COG5: variants seen among roughly 807,000 people sequenced by gnomAD.
COG5 encodes component of oligomeric golgi complex 5.
In COG5, 86 loss-of-function variants were observed where a neutral mutation model predicts 110.4. That is an observed-to-expected ratio of 0.78 (90% confidence interval 0.65 to 0.93). The LOEUF (loss-of-function observed/expected upper bound fraction) is 0.93, where lower values mean the gene tolerates loss of function less well. Ranked by LOEUF, COG5 falls within the 40% of genes least tolerant of loss-of-function variation. The pLI is 0.00. For missense variants in COG5, 1,077 were observed against 987.0 expected (o/e 1.09, Z -1.22); for synonymous variants, 360 against 334.6 (o/e 1.08, Z -0.83).
At chr7:107,320,043 T>G (rs777534680) in intron 11 of COG5, among the ~76,000 whole-genome samples, 1 of 152,102 alleles carries the variant, frequency 6.6e-6, no homozygotes, top group African/African-American at 2.4e-5. Flanking sequence ...CACTCTGATG[T>G]TGTAGAGTGT....
chr7:107,287,637 A>G (rs2116842570), intron 12 of COG5, among the ~76,000 whole-genome samples: 1 of 152,116 alleles, frequency 6.6e-6, no homozygotes, highest in East Asian at 1.9e-4. Flanking sequence ...ACAACACTCC[A>G]CCTTCCTCAC....
chr7:107,263,306 G>A (rs1157903677), intron 14 of COG5, among the ~76,000 whole-genome samples: 1 of 152,170 alleles, frequency 6.6e-6, no homozygotes, highest in East Asian at 1.9e-4. Context: ...AGTAGAAGAT[G>A]CTTATTACAT....
At chr7:107,562,471 T>C (rs549134494) in intron 1 of COG5, among the ~76,000 whole-genome samples, 92 of 152,338 alleles carry the variant, frequency 6.0e-4, no homozygotes, top group African/African-American at 2.2e-3. Flanking sequence ...CTACTTTATA[T>C]GCAATCCTAC....
intron 6 of COG5, 106 bp from the exon 7 acceptor site, chr7:107,412,738 T>A: frequency 1.4e-6 from 1 of 719,622 alleles, no homozygotes; most frequent in Non-Finnish European, 2.3e-6. Flanking sequence ...AAAACGCTAT[T>A]AAACAGGGTT....
At chr7:107,323,381 A>G (rs1271714773) in intron 11 of COG5, among the ~76,000 whole-genome samples, 1 of 152,106 alleles carries the variant, frequency 6.6e-6, no homozygotes. Flanking sequence ...ATACAAAAAA[A>G]TTAGCCAGGA....
At chr7:107,539,566 G>T (rs901338098) in intron 5 of COG5, among the ~76,000 whole-genome samples, 19 of 152,248 alleles carry the variant, frequency 1.2e-4, no homozygotes, top group African/African-American at 4.6e-4. Flanking sequence ...GGGAGTAACT[G>T]CTAATGGGCA....
At chr7:107,291,895 G>T (rs1330046668) in intron 12 of COG5, among the ~76,000 whole-genome samples, 7 of 152,074 alleles carry the variant, frequency 4.6e-5, no homozygotes, top group Admixed American at 4.6e-4. Context: ...CACTGCCAGG[G>T]TTTTTTTGAG....
intron 21 of COG5, chr7:107,207,799 T>C (rs530349561): frequency 3.0e-6 from 3 of 985,460 alleles, no homozygotes; most frequent in African/African-American, 1.7e-5. Flanking sequence ...CTAGTATTCA[T>C]TTAAGCTCCA....
At chr7:107,332,653 G>A (rs1562972292) in intron 10 of COG5, among the ~76,000 whole-genome samples, 2 of 152,084 alleles carry the variant, frequency 1.3e-5, no homozygotes, top group East Asian at 1.9e-4. Context: ...GGTCACTAAG[G>A]TGCACTGACC....
chr7:107,563,555 G>GCGC (rs997888407), intron 1 of COG5: 2 of 499,734 alleles, frequency 4.0e-6, no homozygotes, highest in African/African-American at 4.0e-5. Flanking sequence ...GGGGGGGGGG[G>GCGC]GGGTCGAGTT....
At chr7:107,289,601 C>G (rs979304826) in intron 12 of COG5, among the ~76,000 whole-genome samples, 1 of 152,166 alleles carries the variant, frequency 6.6e-6, no homozygotes, top group Admixed American at 6.5e-5. Flanking sequence ...GGGGGCATTA[C>G]CATCTTAACA....
chr7:107,206,750 G>A (rs963213850), intron 21 of COG5, among the ~76,000 whole-genome samples: 24 of 152,200 alleles, frequency 1.6e-4, no homozygotes, highest in African/African-American at 5.5e-4. Flanking sequence ...GATCAGAAAT[G>A]AGTTTGGTTA....
Position 107,314,661 on chromosome 7 carries a change from A to ATTGC in COG5, c.1108+9775_1108+9778dup, listed in dbSNP as rs1387765513. ...CTACTTGGGAGGCTGAGGCAGGAGA[A>ATTGC]TTGCTTGAACCCAGGAGGCAGAGGT... On this transcript the variant is annotated intron_variant, in intron 11 of 21. Coordinates refer to ENST00000297135, the MANE Select transcript of COG5 (RefSeq NM_006348.5). Among the ~76,000 whole-genome samples the ATTGC allele has an allele frequency of 2.6e-5, 4 of 151,998 alleles. No individual in the cohort carries two copies. In the East Asian group the frequency reaches 7.7e-4, roughly 29 times the overall value.
At chr7:107,545,485 C>T (rs1310480299) in intron 5 of COG5, among the ~76,000 whole-genome samples, 1 of 151,950 alleles carries the variant, frequency 6.6e-6, no homozygotes, top group African/African-American at 2.4e-5. Context: ...ATTCAAAGTG[C>T]TGAAAGAAAA....
At chr7:107,299,327 A>G (rs1287979489) in intron 11 of COG5, among the ~76,000 whole-genome samples, 2 of 152,132 alleles carry the variant, frequency 1.3e-5, no homozygotes, top group East Asian at 1.9e-4. Context: ...CATATTAAGA[A>G]TAACAGAGAT....
intron 14 of COG5, among the ~76,000 whole-genome samples, chr7:107,269,049 CTTT>C (rs1213257495): frequency 1.3e-5 from 2 of 152,006 alleles, no homozygotes; most frequent in Non-Finnish European, 2.9e-5. Context: ...ATTTTTGCTT[CTTT>C]TGTTTCTGTA....
At chr7:107,260,087 T>TATATATATATATAG in intron 14 of COG5, among the ~76,000 whole-genome samples, 1 of 150,478 alleles carries the variant, frequency 6.6e-6, no homozygotes, top group Non-Finnish European at 1.5e-5. Context: ...TATATATATA[T>TATATATATATATAG]ATATATGAAA....
intron 6 of COG5, among the ~76,000 whole-genome samples, chr7:107,525,666 T>C (rs1800676502): frequency 6.6e-6 from 1 of 152,064 alleles, no homozygotes; most frequent in Admixed American, 6.6e-5. Flanking sequence ...GATCCTCCCA[T>C]CTCAGTTTCC....
At chr7:107,517,634 C>T (rs866241810) in intron 6 of COG5, among the ~76,000 whole-genome samples, 1 of 151,204 alleles carries the variant, frequency 6.6e-6, no homozygotes, top group Non-Finnish European at 1.5e-5. Context: ...GCCCATCAGA[C>T]TAACAGCGGA....
Sources: gnomAD v4.1 joint callset for allele counts (sites outside exome capture counted in the v4.1 genomes callset) on GRCh38, gnomAD v4.1.1 for gene constraint, MANE v1.5 for transcripts, NCBI Gene and HGNC (gene_info 2026-07-23, HGNC 2026-07-21) for gene names.